Variants in ECRG4 observed in about 807,000 individuals in gnomAD.
ECRG4 encodes ECRG4 augurin precursor, also known as augurin.
A neutral mutation model predicts 15.8 loss-of-function variants in ECRG4; 18 were observed. The ratio of observed to expected loss-of-function variants is 1.14; its 90% confidence interval spans 0.79 to 1.69. The LOEUF is 1.69. Ranked by LOEUF, ECRG4 falls within the 40% of genes most tolerant of loss-of-function variation. The pLI is 0.00. For synonymous variants in ECRG4, 82 were observed against 73.9 expected (o/e 1.11, Z -0.56); for missense variants, 200 against 190.9 (o/e 1.05, Z -0.28).
chr2:106,074,390 A>C (rs897616776), intron 3 of ECRG4, among the ~76,000 whole-genome samples: 4 of 152,102 alleles, frequency 2.6e-5, no homozygotes, highest in African/African-American at 9.7e-5. Flanking sequence ...ACAATCCCCC[A>C]AAACCTATTA....
intron 1 of ECRG4, among the ~76,000 whole-genome samples, chr2:106,068,948 C>T (rs1314022877): frequency 6.6e-6 from 1 of 152,204 alleles, no homozygotes; most frequent in African/African-American, 2.4e-5. Context: ...CCTCCAGCAA[C>T]TCTTAATCTC....
chr2:106,075,919 C>T (rs1351582225), intron 3 of ECRG4, among the ~76,000 whole-genome samples: 2 of 152,194 alleles, frequency 1.3e-5, no homozygotes, highest in Admixed American at 1.3e-4. Flanking sequence ...GCTCTTCTCT[C>T]ACATACAGAT....
At chr2:106,069,200 C>CT (rs1339201399) in intron 1 of ECRG4, among the ~76,000 whole-genome samples, 1 of 137,928 alleles carries the variant, frequency 7.3e-6, no homozygotes. Context: ...TTTCTTCTTT[C>CT]TTTTTTATTT....
intron 1 of ECRG4, among the ~76,000 whole-genome samples, chr2:106,067,305 GAAAT>G (rs1676248034): frequency 6.6e-6 from 1 of 151,180 alleles, no homozygotes; most frequent in Admixed American, 6.6e-5. Flanking sequence ...AATAAAAAAA[GAAAT>G]AAATAAAAGA....
chr2:106,072,030 G>A, intron 2 of ECRG4, 139 bp downstream of exon 2: 1 of 646,782 alleles, frequency 1.5e-6, no homozygotes, highest in Non-Finnish European at 2.7e-6. Flanking sequence ...GATATGAAGG[G>A]CTTATTCTGT....
At chr2:106,076,441 G>A (rs975414883) in intron 3 of ECRG4, among the ~76,000 whole-genome samples, 6 of 152,190 alleles carry the variant, frequency 3.9e-5, no homozygotes, top group Admixed American at 3.9e-4. Flanking sequence ...AGAAGTCGGT[G>A]TCCTCCTTCC....
chr2:106,065,779 C>A lies in ECRG4; in HGVS notation c.15C>A (p.Pro5=), dbSNP rs4266035. The A allele has an allele frequency of 4.0e-4, 594 of 1,482,472 alleles. 1 individual carries two copies. Among genetic ancestry groups the A allele is most frequent in the Non-Finnish European group, 5.2e-4 (579 of 1,123,276 alleles). The allele number at this position is 1,482,472 out of a possible 1,614,324, so 91.8% of individuals were successfully genotyped here. The change falls in exon 1 of 4, where the codon CCC becomes CCA. Residue 5 remains proline, a synonymous_variant. Coordinates refer to ENST00000238044, the MANE Select transcript of ECRG4 (RefSeq NM_032411.3). ...GCCCCGCCGCCATGGCTGCCTCCCC[C>A]GCGCGGCCTGCTGTCCTGGCCCTGA... MAAS[P]ARPAVLALTG... is the part of the protein sequence containing the mutation.
At chr2:106,076,972 A>G (rs1676501414) in intron 3 of ECRG4, among the ~76,000 whole-genome samples, 1 of 152,118 alleles carries the variant, frequency 6.6e-6, no homozygotes, top group Admixed American at 6.5e-5. Context: ...CTCTCCTTTA[A>G]AAAAAATGTA....
Position 106,067,070 on chromosome 2 carries a change from G to C in ECRG4, c.79+1227G>C, listed in dbSNP as rs1448674194. Among the ~76,000 whole-genome samples the C allele has an allele frequency of 2.1e-5, 2 of 96,794 alleles. 1 individual carries two copies. The highest frequency in any genetic ancestry group is 8.2e-4 in the South Asian group (2 of 2,434). The allele number at this position is 96,794 out of a possible 152,430, so 63.5% of individuals were successfully genotyped here. A position where few individuals can be genotyped will look rare whatever the true frequency, so the allele number is the denominator to read the frequency against. ...GCACTTTGGGAGGCCGGGGGGGGGG[G>C]GGGGGCAGATCACCTGAGGTCGGGG... On this transcript the variant is annotated intron_variant, in intron 1 of 3. Coordinates refer to ENST00000238044, the MANE Select transcript of ECRG4 (RefSeq NM_032411.3).
At chr2:106,067,060 G>C (rs1193259728) in intron 1 of ECRG4, among the ~76,000 whole-genome samples, 8 of 48,294 alleles carry the variant, frequency 1.7e-4, no homozygotes, top group South Asian at 1.1e-3. Flanking sequence ...TTGGGAGGCC[G>C]GGGGGGGGGG....
At chr2:106,076,827 C>T (rs557128622) in intron 3 of ECRG4, among the ~76,000 whole-genome samples, 96 of 152,284 alleles carry the variant, frequency 6.3e-4, no homozygotes, top group Middle Eastern at 6.8e-3. Flanking sequence ...TGGCATGACC[C>T]GTTCACCCAG....
At chr2:106,073,836 G>A (rs1676422912) in intron 2 of ECRG4, 50 bp from the exon 3 acceptor site, 2 of 1,590,200 alleles carry the variant, frequency 1.3e-6, no homozygotes, top group African/African-American at 1.5e-5. Flanking sequence ...CCGCAAGTGA[G>A]GAAGGAAGTC....
At chr2:106,069,173 TTC>T (rs1260075227) in intron 1 of ECRG4, among the ~76,000 whole-genome samples, 1 of 80,456 alleles carries the variant, frequency 1.2e-5, no homozygotes, top group South Asian at 6.2e-4. Flanking sequence ...TCTTTCTTTT[TTC>T]TTTCTTTCTT....
At chr2:106,069,985 G>A (rs574483674) in intron 1 of ECRG4, among the ~76,000 whole-genome samples, 3 of 152,262 alleles carry the variant, frequency 2.0e-5, no homozygotes, top group Admixed American at 1.3e-4. Flanking sequence ...GCACTACGCC[G>A]ATATCTTAGC....
intron 2 of ECRG4, chr2:106,072,110 A>T (rs1676383097): frequency 2.0e-6 from 1 of 510,742 alleles, no homozygotes; most frequent in Non-Finnish European, 3.5e-6. Flanking sequence ...ATTTTTCTGA[A>T]ACCTGTCAGT....
intron 1 of ECRG4, among the ~76,000 whole-genome samples, chr2:106,071,503 C>T (rs1038119536): frequency 2.0e-5 from 3 of 152,118 alleles, no homozygotes; most frequent in Admixed American, 6.5e-5. Flanking sequence ...CACTATTCAA[C>T]GTATTACACC....
rs530025777 is a variant in ECRG4 at position 106,077,345 on chromosome 2, A to G, written c.286-420A>G. Among the ~76,000 whole-genome samples the G allele has an allele frequency of 4.6e-4, 70 of 152,226 alleles. 1 individual carries two copies. In the South Asian group the frequency reaches 0.014, roughly 31 times the overall value. ...CTAACTCAGGCAACATTTATTAAGC[A>G]TCTACTACATGCAGTATAAAGGGCC... is the stretch of plus-strand genomic sequence containing the variant. On this transcript the variant is annotated intron_variant, in intron 3 of 3. Transcript: ENST00000238044.
chr2:106,068,582 G>A (rs538269081), intron 1 of ECRG4, among the ~76,000 whole-genome samples: 1 of 152,316 alleles, frequency 6.6e-6, no homozygotes, highest in East Asian at 1.9e-4. Context: ...AGAAATTGCA[G>A]CCTCATCGCA....
At chr2:106,076,650 A>G (rs1676493244) in intron 3 of ECRG4, among the ~76,000 whole-genome samples, 1 of 152,200 alleles carries the variant, frequency 6.6e-6, no homozygotes, top group South Asian at 2.1e-4. Context: ...ATATTAATTA[A>G]TGTTCATTGG....
Sources: gnomAD v4.1 joint callset for allele counts (sites outside exome capture counted in the v4.1 genomes callset) on GRCh38, gnomAD v4.1.1 for gene constraint, MANE v1.5 for transcripts, NCBI Gene and HGNC (gene_info 2026-07-23, HGNC 2026-07-21) for gene names.